ACER3: variants seen among roughly 807,000 people sequenced by gnomAD.
ACER3 encodes the protein alkaline ceramidase 3.
A neutral mutation model predicts 48.9 loss-of-function variants in ACER3; 16 were observed. The ratio of observed to expected loss-of-function variants is 0.33; its 90% CI spans 0.22 to 0.50. The LOEUF (loss-of-function observed/expected upper bound fraction) is 0.50, where lower values mean the gene tolerates loss of function less well. Ranked by LOEUF, ACER3 falls within the 20% of genes least tolerant of loss-of-function variation. The pLI, the probability that ACER3 is intolerant of heterozygous loss-of-function variation, is 0.98. For synonymous variants in ACER3, 109 were observed against 107.8 expected, an observed-to-expected ratio of 1.01 and a Z score of -0.07; for missense variants, 227 against 326.0, an observed-to-expected ratio of 0.70 and a Z score of 2.34.
intron 6 of ACER3, among the ~76,000 whole-genome samples, chr11:76,992,925 G>A (rs1948833113): frequency 6.6e-6 from 1 of 151,620 alleles, no homozygotes; most frequent in Admixed American, 6.6e-5. Flanking sequence ...CTGGAGTGCA[G>A]TGGCTCAATC....
At chr11:76,861,780 G>A (rs1944947002) in intron 1 of ACER3, among the ~76,000 whole-genome samples, 1 of 152,132 alleles carries the variant, frequency 6.6e-6, no homozygotes, top group African/African-American at 2.4e-5. Flanking sequence ...AGAGCACAGA[G>A]GACCAAGTCC....
intron 7 of ACER3, among the ~76,000 whole-genome samples, chr11:77,009,665 G>T (rs1038856074): frequency 1.3e-5 from 2 of 152,152 alleles, no homozygotes; most frequent in African/African-American, 4.8e-5. Context: ...TAATAAATTA[G>T]GTAGGTGTGG....
At chr11:76,952,102 A>T (rs1232122617) in intron 2 of ACER3, among the ~76,000 whole-genome samples, 1 of 150,688 alleles carries the variant, frequency 6.6e-6, no homozygotes, top group Non-Finnish European at 1.5e-5. Flanking sequence ...GTATCAATTT[A>T]CTCATAAATG....
At chr11:76,933,302 A>G (rs1197562685) in intron 2 of ACER3, among the ~76,000 whole-genome samples, 1 of 89,364 alleles carries the variant, frequency 1.1e-5, no homozygotes, top group African/African-American at 4.3e-5. Context: ...TATTTTTTTT[A>G]TTGATCATTC....
At chr11:76,990,880 A>C (rs1555017728) in intron 6 of ACER3, among the ~76,000 whole-genome samples, 3 of 152,246 alleles carry the variant, frequency 2.0e-5, no homozygotes, top group Non-Finnish European at 1.5e-5. Flanking sequence ...CATACACATA[A>C]AGTCTTTTTA....
At chr11:76,960,138 C>T (rs1233789796) in intron 3 of ACER3, among the ~76,000 whole-genome samples, 1 of 152,040 alleles carries the variant, frequency 6.6e-6, no homozygotes, top group Non-Finnish European at 1.5e-5. Context: ...TGGCTGGGCG[C>T]GGTGGCTCAT....
chr11:76,918,128 T>C (rs2134765790), intron 1 of ACER3, among the ~76,000 whole-genome samples: 1 of 152,292 alleles, frequency 6.6e-6, no homozygotes, highest in African/African-American at 2.4e-5. Flanking sequence ...GTACCAAAGT[T>C]ATTCACTTGT....
chr11:77,008,991 C>T lies in ACER3; in HGVS notation c.498-6025C>T, dbSNP rs7948974. 3.6e-4 allele frequency among the ~76,000 whole-genome samples: 55 copies of T among 152,212 alleles called. No individual in the cohort carries two copies. In the East Asian group the frequency reaches 7.7e-3, roughly 21 times the overall value. On this transcript the variant is annotated intron_variant, in intron 7 of 10. Coordinates refer to ENST00000532485, the MANE Select transcript of ACER3 (RefSeq NM_018367.7). ...GGGAGAATCACTTGATCCCAGGACA[C>T]TGAGGCTGCATTGAGCCATGATTGT...
chr11:77,000,826 T>C (rs970819771), intron 7 of ACER3, among the ~76,000 whole-genome samples: 3 of 152,242 alleles, frequency 2.0e-5, no homozygotes, highest in Non-Finnish European at 4.4e-5. Context: ...CATATAAGTC[T>C]TCAAATCATA....
At chr11:76,919,878 A>G (rs1946641442) in intron 1 of ACER3, among the ~76,000 whole-genome samples, 1 of 152,184 alleles carries the variant, frequency 6.6e-6, no homozygotes, top group Admixed American at 6.5e-5. Context: ...TAGTTTTACC[A>G]AGTCATGATT....
At chr11:76,883,504 G>A (rs922752380) in intron 1 of ACER3, among the ~76,000 whole-genome samples, 16 of 134,598 alleles carry the variant, frequency 1.2e-4, no homozygotes, top group African/African-American at 3.5e-4. Flanking sequence ...GCAGTAGCAC[G>A]ATCTCAGCTC....
intron 1 of ACER3, among the ~76,000 whole-genome samples, chr11:76,908,861 C>T (rs1946300470): frequency 6.6e-6 from 1 of 152,274 alleles, no homozygotes; most frequent in East Asian, 1.9e-4. Flanking sequence ...TTCTACCTGA[C>T]TTCAAACTAT....
rs1242196786 is a variant in ACER3 at position 76,965,920 on chromosome 11, C to A, written c.267+6889C>A. ...ATCAACTAACGAGCAAAATAACCAG[C>A]TAACATCATAATGACAGGATCAAAT... On this transcript the variant is annotated intron_variant, in intron 3 of 10. Transcript: ENST00000532485. Among the ~76,000 whole-genome samples, 9 of 151,304 alleles carry A rather than the reference C, an allele frequency of 5.9e-5. No individual in the cohort carries two copies. The East Asian group carries it at 1.7e-3, about 29-fold the overall frequency.
At chr11:76,862,932 A>G (rs1944979857) in intron 1 of ACER3, among the ~76,000 whole-genome samples, 1 of 35,078 alleles carries the variant, frequency 2.9e-5, no homozygotes. Context: ...GTTTAGAACC[A>G]AGAAAAAACT....
At chr11:76,915,686 A>G (rs1021942899) in intron 1 of ACER3, among the ~76,000 whole-genome samples, 1 of 152,252 alleles carries the variant, frequency 6.6e-6, no homozygotes, top group African/African-American at 2.4e-5. Flanking sequence ...TAATTTATGA[A>G]GAAAAGAGGT....
chr11:76,991,296 A>C (rs987790757), intron 6 of ACER3, among the ~76,000 whole-genome samples: 2 of 152,200 alleles, frequency 1.3e-5, no homozygotes, highest in Admixed American at 6.5e-5. Context: ...AAACTAGCAA[A>C]CAAAAATGAA....
Position 76,932,440 on chromosome 11 carries a change from T to G in ACER3, c.214+5773T>G, listed in dbSNP as rs1006280148. Among the ~76,000 whole-genome samples, 4 of 152,324 alleles carry G rather than the reference T, an allele frequency of 2.6e-5. 1 individual carries two copies. The highest frequency in any genetic ancestry group is 9.6e-5 in the African/African-American group (4 of 41,582). ...TTCACAATCTGTTGCTCATATGCAT[T>G]TTAAGAAAGTTACTTGATTATCTTC... On this transcript the variant is annotated intron_variant, in intron 2 of 10. Coordinates refer to ENST00000532485, the MANE Select transcript of ACER3 (RefSeq NM_018367.7).
intron 1 of ACER3, among the ~76,000 whole-genome samples, chr11:76,872,117 C>T (rs143311164): frequency 5.5e-5 from 8 of 144,974 alleles, no homozygotes; most frequent in Non-Finnish European, 7.5e-5. Flanking sequence ...TGCTCTGTCG[C>T]GGAGGCTGGA....
intron 1 of ACER3, among the ~76,000 whole-genome samples, chr11:76,889,793 T>C (rs2070178892): frequency 6.6e-6 from 1 of 152,182 alleles, no homozygotes; most frequent in Non-Finnish European, 1.5e-5. Flanking sequence ...CCTTCTAAAT[T>C]TACTTTTTTG....
Sources: gnomAD v4.1 joint callset for allele counts (sites outside exome capture counted in the v4.1 genomes callset) on GRCh38, gnomAD v4.1.1 for gene constraint, MANE v1.5 for transcripts, NCBI Gene and HGNC (gene_info 2026-07-23, HGNC 2026-07-21) for gene names.